DNAJB6: variants seen among roughly 807,000 people sequenced by gnomAD.
DNAJB6 encodes the protein dnaJ homolog subfamily B member 6.
DNAJB6 carries 16 observed loss-of-function variants against 42.7 expected under a neutral mutation model. The observed-to-expected ratio is 0.37, with a 90% confidence interval of 0.25 to 0.57. DNAJB6 has a LOEUF of 0.57. Among genes scored for constraint, DNAJB6 ranks in the 20% least tolerant of loss-of-function variants. DNAJB6 has a pLI of 0.74. For synonymous variants in DNAJB6, 170 were observed against 163.5 expected, an observed-to-expected ratio of 1.04 and a Z score of -0.30; for missense variants, 347 against 416.8, an observed-to-expected ratio of 0.83 and a Z score of 1.46.
chr7:157,408,063 G>C (rs1795836661), intron 8 of DNAJB6, among the ~76,000 whole-genome samples: 1 of 152,202 alleles, frequency 6.6e-6, no homozygotes, highest in Non-Finnish European at 1.5e-5. Flanking sequence ...TGTTCTGCAG[G>C]TGAGCACGTG....
At chr7:157,369,892 CAACATTATTATTAAACAGGCCCCTTCTT>C (rs1800073779) in intron 5 of DNAJB6, among the ~76,000 whole-genome samples, 5 of 101,212 alleles carry the variant, frequency 4.9e-5, no homozygotes, top group Admixed American at 2.7e-4. Flanking sequence ...GGCCCCTTCT[CAACATTATTATTAAACAGGCCCCTTCTT>C]AACATTATTA....
At chr7:157,361,662 A>T (rs1799602879) in intron 2 of DNAJB6, among the ~76,000 whole-genome samples, 1 of 152,194 alleles carries the variant, frequency 6.6e-6, no homozygotes. Context: ...TTTGAGGGGT[A>T]TGCTGCTTCT....
At chr7:157,410,112 G>A in intron 9 of DNAJB6, 111 bp downstream of exon 9, 1 of 1,419,654 alleles carries the variant, frequency 7.0e-7, no homozygotes, top group East Asian at 2.6e-5. Flanking sequence ...GACCTGAGCG[G>A]GCGTGGGCGG....
At chr7:157,353,617 G>GTGTA (rs1799119567) in intron 1 of DNAJB6, among the ~76,000 whole-genome samples, 1 of 149,908 alleles carries the variant, frequency 6.7e-6, no homozygotes, top group African/African-American at 2.5e-5. Flanking sequence ...GTGTGTGTGT[G>GTGTA]TGTGTATGTA....
chr7:157,410,405 C>A, intron 9 of DNAJB6: 1 of 360,568 alleles, frequency 2.8e-6, no homozygotes, highest in Non-Finnish European at 4.9e-6. Flanking sequence ...CCTCCGTCAG[C>A]TTCACCTTCT....
At chr7:157,360,411 T>C (rs1799522412) in intron 2 of DNAJB6, among the ~76,000 whole-genome samples, 1 of 152,214 alleles carries the variant, frequency 6.6e-6, no homozygotes, top group Non-Finnish European at 1.5e-5. Flanking sequence ...AGTTGAGATT[T>C]GGGTGGGGAC....
chr7:157,387,741 G>A (rs904629978), intron 8 of DNAJB6, among the ~76,000 whole-genome samples: 2 of 152,204 alleles, frequency 1.3e-5, no homozygotes, highest in African/African-American at 4.8e-5. Flanking sequence ...GGTGTTACAG[G>A]TAAAATATGT....
intron 5 of DNAJB6, among the ~76,000 whole-genome samples, chr7:157,368,417 T>G (rs984468737): frequency 6.6e-6 from 1 of 152,286 alleles, no homozygotes; most frequent in South Asian, 2.1e-4. Context: ...CCGTAAACAT[T>G]GTGTGTGAGG....
chr7:157,404,014 A>T (rs1795651306), intron 8 of DNAJB6, among the ~76,000 whole-genome samples: 2 of 151,502 alleles, frequency 1.3e-5, no homozygotes, highest in Non-Finnish European at 2.9e-5. Context: ...TTACCCAGGC[A>T]GGAGTGCAGT....
intron 1 of DNAJB6, among the ~76,000 whole-genome samples, chr7:157,338,722 A>G (rs2116826723): frequency 6.6e-6 from 1 of 152,308 alleles, no homozygotes; most frequent in South Asian, 2.1e-4. Flanking sequence ...TGATAAAGGG[A>G]TGAATAGTTT....
At position 157,416,055 on chromosome 7, in the gene DNAJB6, G is replaced by C. The variant is rs763185312; in HGVS notation, c.938G>C (p.Arg313Thr). 5 of 1,614,082 alleles carry C rather than the reference G, an allele frequency of 3.1e-6. No individual in the cohort carries two copies. The African/African-American group carries it at 6.7e-5, about 22-fold the overall frequency. ...EGGKRKKQKQ[R>T]EESKKKKSTK... The stretch of plus-strand genomic sequence containing the variant: ...GGCAAGAGGAAGAAGCAGAAGCAGA[G>C]AGAGGAGTCGAAGAAGAAGAAGTCG... The change falls in exon 10 of 10, where the codon AGA (arginine) becomes ACA (threonine). Residue 313 changes from arginine to threonine, a missense_variant. This residue lies in a region of DNAJB6 where 264 missense variants were observed against 288.0 expected (regional missense o/e 0.92). Transcript: ENST00000262177.
chr7:157,367,256 T>G, intron 4 of DNAJB6, 117 bp from the exon 5 acceptor site: 1 of 697,640 alleles, frequency 1.4e-6, no homozygotes, highest in South Asian at 1.7e-5. Context: ...ACTTCAGGTT[T>G]ATGAAATATT....
intron 8 of DNAJB6, among the ~76,000 whole-genome samples, chr7:157,389,300 G>A (rs1406860938): frequency 6.6e-6 from 1 of 152,184 alleles, no homozygotes; most frequent in Non-Finnish European, 1.5e-5. Flanking sequence ...ATTTTTATTT[G>A]CAGAGGATTC....
intron 8 of DNAJB6, among the ~76,000 whole-genome samples, chr7:157,403,474 T>C (rs1455434699): frequency 2.6e-5 from 4 of 152,162 alleles, no homozygotes; most frequent in African/African-American, 9.7e-5. Flanking sequence ...CTTTTTTGTT[T>C]GTTTTTTTTG....
At chr7:157,402,067 T>C (rs1010459967) in intron 8 of DNAJB6, among the ~76,000 whole-genome samples, 1 of 152,184 alleles carries the variant, frequency 6.6e-6, no homozygotes, top group African/African-American at 2.4e-5. Flanking sequence ...CAGGCTGCTG[T>C]TGTGTTGAGA....
intron 8 of DNAJB6, among the ~76,000 whole-genome samples, chr7:157,406,582 G>T (rs908326348): frequency 1.3e-5 from 2 of 152,228 alleles, no homozygotes; most frequent in Non-Finnish European, 2.9e-5. Flanking sequence ...AGCTGTGCAG[G>T]AGAGGATGGG....
chr7:157,355,962 G>A (rs1799254206), intron 1 of DNAJB6, among the ~76,000 whole-genome samples: 1 of 152,192 alleles, frequency 6.6e-6, no homozygotes, highest in Admixed American at 6.5e-5. Context: ...TCACTGCCTC[G>A]GGAGGTGTCT....
chr7:157,356,846 C>G (rs1422830192), intron 1 of DNAJB6, among the ~76,000 whole-genome samples: 7 of 152,172 alleles, frequency 4.6e-5, no homozygotes, highest in Admixed American at 4.6e-4. Flanking sequence ...AACTTAACAC[C>G]TAGAATCTTT....
chr7:157,352,473 TG>T (rs1162880548), intron 1 of DNAJB6, among the ~76,000 whole-genome samples: 20 of 151,828 alleles, frequency 1.3e-4, no homozygotes, highest in African/African-American at 4.8e-4. Flanking sequence ...CAGTTGAATG[TG>T]GAATGAGGTG....
Sources: allele counts gnomAD v4.1 joint callset (sites outside exome capture counted in the v4.1 genomes callset), GRCh38; gene constraint gnomAD v4.1.1; regional missense constraint gnomAD v4.1.1; transcripts MANE v1.5; gene names NCBI Gene and HGNC (gene_info 2026-07-23, HGNC 2026-07-21).